The following GPHN variants were observed in gnomAD, a reference collection of about 807,000 sequenced individuals.
GPHN encodes the protein gephyrin.
Under a neutral mutation model 95.5 loss-of-function variants are expected in GPHN, and 17 were observed. The observed-to-expected ratio is 0.18, with a 90% CI of 0.12 to 0.27. The LOEUF is 0.27. Among genes scored for constraint, GPHN ranks in the 10% least tolerant of loss-of-function variants. GPHN has a pLI of 1.00. For synonymous variants in GPHN, 320 were observed against 322.5 expected (o/e 0.99, Z 0.08); for missense variants, 660 against 978.1 (o/e 0.67, Z 4.34).
intron 19 of GPHN, 151 bp downstream of exon 19, chr14:67,159,639 C>G (rs1465619642): frequency 1.5e-6 from 1 of 685,950 alleles, no homozygotes; most frequent in Non-Finnish European, 2.7e-6. Flanking sequence ...TGCACAAGTG[C>G]AGGTTCTAAT....
chr14:67,440,490 G>A, the GPHN span, among the ~76,000 whole-genome samples: 16 of 152,184 alleles, frequency 1.1e-4, no homozygotes, highest in Non-Finnish European at 1.8e-4. Flanking sequence ...GACTGGGCGC[G>A]TGGCTCACAC....
At chr14:67,503,078 A>T in the GPHN span, among the ~76,000 whole-genome samples, 1 of 152,162 alleles carries the variant, frequency 6.6e-6, no homozygotes, top group Non-Finnish European at 1.5e-5. Flanking sequence ...CCGCACGCTA[A>T]CAAGCAGATA....
intron 9 of GPHN, chr14:66,996,198 T>C: frequency 6.5e-7 from 1 of 1,532,726 alleles, no homozygotes; most frequent in Non-Finnish European, 8.7e-7. Flanking sequence ...CTCGTGCTCA[T>C]CTACCTATAG....
At chr14:67,085,759 G>C (rs1379284387) in intron 11 of GPHN, among the ~76,000 whole-genome samples, 1 of 152,126 alleles carries the variant, frequency 6.6e-6, no homozygotes, top group Non-Finnish European at 1.5e-5. Context: ...TGGTTCAATA[G>C]CATTAAGTAC....
At chr14:66,981,386 G>A (rs1301628611) in intron 9 of GPHN, among the ~76,000 whole-genome samples, 7 of 151,948 alleles carry the variant, frequency 4.6e-5, no homozygotes, top group Non-Finnish European at 1.5e-5. Flanking sequence ...ATATTATAGT[G>A]AAGTGAAATA....
chr14:67,334,254 T>C, the GPHN span: 1 of 152,644 alleles, frequency 6.6e-6, no homozygotes, highest in Non-Finnish European at 1.5e-5. Context: ...TTTAAGCTAA[T>C]AGGATTTTCG....
At chr14:66,737,433 CTTTTTCTTTT>C (rs2072395256) in intron 2 of GPHN, among the ~76,000 whole-genome samples, 1 of 152,144 alleles carries the variant, frequency 6.6e-6, no homozygotes, top group Non-Finnish European at 1.5e-5. Flanking sequence ...AGGGAAGCCC[CTTTTTCTTTT>C]TTTTTCTTTT....
chr14:67,357,183 C>T, the GPHN span, among the ~76,000 whole-genome samples: 4 of 152,108 alleles, frequency 2.6e-5, no homozygotes, highest in South Asian at 2.1e-4. Flanking sequence ...TTCTCTGGTA[C>T]GAAAGTGGGT....
the GPHN span, among the ~76,000 whole-genome samples, chr14:67,599,577 G>A: frequency 6.6e-6 from 1 of 152,166 alleles, no homozygotes; most frequent in Non-Finnish European, 1.5e-5. Context: ...ACACACTTGT[G>A]GAGGCAAAGA....
chr14:67,604,264 T>C, the GPHN span, among the ~76,000 whole-genome samples: 1 of 152,258 alleles, frequency 6.6e-6, no homozygotes, highest in African/African-American at 2.4e-5. Flanking sequence ...CTCCAAGCAG[T>C]AAAACAGTCT....
intron 1 of GPHN, among the ~76,000 whole-genome samples, chr14:66,546,578 C>G (rs1472054715): frequency 6.6e-6 from 1 of 152,096 alleles, no homozygotes; most frequent in Non-Finnish European, 1.5e-5. Flanking sequence ...GAGACCAGCC[C>G]GTCCAACACA....
intron 1 of GPHN, among the ~76,000 whole-genome samples, chr14:66,609,724 G>T (rs1236789064): frequency 1.3e-5 from 2 of 152,026 alleles, no homozygotes; most frequent in Admixed American, 6.6e-5. Context: ...AGTCTATTCT[G>T]CTGTAAATGC....
the GPHN span, among the ~76,000 whole-genome samples, chr14:67,389,201 G>A: frequency 6.6e-6 from 1 of 151,938 alleles, no homozygotes; most frequent in Non-Finnish European, 1.5e-5. Context: ...GCAAGAGGTA[G>A]GGCAAAAAAT....
chr14:67,646,577 C>T, the GPHN span: 273 of 1,321,096 alleles, frequency 2.1e-4, no homozygotes, highest in African/African-American at 3.6e-3. Flanking sequence ...CCCACGGACG[C>T]ACATGATAAT....
At chr14:67,200,312 C>A in the GPHN span, 1 of 663,064 alleles carries the variant, frequency 1.5e-6, no homozygotes, top group Non-Finnish European at 2.7e-6. Flanking sequence ...CGCTTTGGAG[C>A]CCTCTCCCTC....
At chr14:67,209,375 A>C in the GPHN span, among the ~76,000 whole-genome samples, 1 of 152,248 alleles carries the variant, frequency 6.6e-6, no homozygotes, top group South Asian at 2.1e-4. Flanking sequence ...CAGGTGGTCA[A>C]GGCCATTTGA....
At chr14:67,158,826 G>A (rs1035476544) in intron 18 of GPHN, among the ~76,000 whole-genome samples, 1 of 152,066 alleles carries the variant, frequency 6.6e-6, no homozygotes, top group African/African-American at 2.4e-5. Flanking sequence ...TTGACTTTCT[G>A]TTTTAGAGTT....
At chr14:67,303,663 T>A in the GPHN span, 9 of 1,126,200 alleles carry the variant, frequency 8.0e-6, no homozygotes, top group African/African-American at 1.5e-5. Flanking sequence ...CTGTTACTGT[T>A]TACTGTTACA....
chr14:66,616,084 G>A (rs1186555676), intron 1 of GPHN, among the ~76,000 whole-genome samples: 1 of 151,572 alleles, frequency 6.6e-6, no homozygotes, highest in South Asian at 2.1e-4. Flanking sequence ...GCCTGTTTTG[G>A]TACCAGTACC....
Sources: allele counts gnomAD v4.1 joint callset (sites outside exome capture counted in the v4.1 genomes callset), GRCh38; gene constraint gnomAD v4.1.1; transcripts MANE v1.5; gene names NCBI Gene and HGNC (gene_info 2026-07-23, HGNC 2026-07-21).